Variants in MBTPS1 observed in about 807,000 individuals in gnomAD.
The protein encoded by MBTPS1 is membrane-bound transcription factor site-1 protease.
MBTPS1 carries 94 observed loss-of-function variants against 127.8 expected under a neutral mutation model. The ratio of observed to expected loss-of-function variants is 0.74; its 90% CI spans 0.62 to 0.87. The LOEUF (loss-of-function observed/expected upper bound fraction) is 0.87. Ranked by LOEUF, MBTPS1 falls within the 40% of genes least tolerant of loss-of-function variation. The pLI, the probability that MBTPS1 is intolerant of heterozygous loss-of-function variation, is 0.00. For missense variants in MBTPS1, 1,636 were observed against 1,353.2 expected, an observed-to-expected ratio of 1.21 and a Z score of -3.28; for synonymous variants, 632 against 509.4, an observed-to-expected ratio of 1.24 and a Z score of -3.24.
chr16:84,095,704 G>A lies in MBTPS1; in HGVS notation c.523C>T (p.His175Tyr), dbSNP rs2086169574. Residue 175 changes from histidine (H) to tyrosine (Y), a missense_variant, in exon 4 of 23, where the codon CAT (histidine) becomes TAT (tyrosine). Coordinates refer to ENST00000343411, the MANE Select transcript of MBTPS1 (RefSeq NM_003791.4). ...CTGCTCGAATGCCTTCCCGTAGCAT[G>A]CCAGAAGCCAGAGCCCAGGGAGAGG... ...ASLSLGSGFW[H>Y]ATGRHSSRRL... is the part of the protein sequence containing the mutation. The A allele has an allele frequency of 8.7e-6, 14 of 1,614,234 alleles. No individual in the cohort carries two copies. Among genetic ancestry groups the A allele is most frequent in the Non-Finnish European group, 1.2e-5 (14 of 1,180,046 alleles).
At chr16:84,109,984 C>T (rs2086377089) in intron 1 of MBTPS1, among the ~76,000 whole-genome samples, 1 of 152,196 alleles carries the variant, frequency 6.6e-6, no homozygotes. Flanking sequence ...AAAATGGTTT[C>T]ATACTGTTCG....
At chr16:84,112,968 C>T (rs1014635744) in intron 1 of MBTPS1, among the ~76,000 whole-genome samples, 4 of 136,824 alleles carry the variant, frequency 2.9e-5, no homozygotes, top group Admixed American at 1.6e-4. Context: ...GAGCGAGATG[C>T]CATCTCAAAA....
intron 12 of MBTPS1, among the ~76,000 whole-genome samples, chr16:84,072,759 A>C (rs1040426666): frequency 3.9e-5 from 6 of 152,158 alleles, no homozygotes; most frequent in Non-Finnish European, 8.8e-5. Context: ...CACTGCACTC[A>C]AGCCTGGGAG....
At chr16:84,107,508 G>A (rs759363068) in intron 1 of MBTPS1, among the ~76,000 whole-genome samples, 1 of 152,132 alleles carries the variant, frequency 6.6e-6, no homozygotes. Flanking sequence ...TATTTCAAAG[G>A]ATTTATGGCT....
Position 84,101,810 on chromosome 16 carries a change from T to C in MBTPS1, c.-27A>G. On this transcript the variant is annotated 5_prime_UTR_variant, in exon 2 of 23. Coordinates refer to ENST00000343411, the MANE Select transcript of MBTPS1 (RefSeq NM_003791.4). ...GTCACAAGCGAATATGATCATAAAA[T>C]TGCATATATTCAAATCACACTTTTT... 1 of 1,590,588 alleles carries C rather than the reference T, an allele frequency of 6.3e-7. No homozygotes were observed. The highest frequency in any genetic ancestry group is 1.4e-5 in the African/African-American group (1 of 74,066).
At chr16:84,078,916 G>A (rs1299796467) in intron 11 of MBTPS1, among the ~76,000 whole-genome samples, 2 of 152,216 alleles carry the variant, frequency 1.3e-5, no homozygotes, top group African/African-American at 4.8e-5. Context: ...GAAAGAATGG[G>A]CGAGTGGGAA....
At chr16:84,086,002 C>G (rs982205477) in intron 9 of MBTPS1, 3 of 152,238 alleles carry the variant, frequency 2.0e-5, no homozygotes, top group African/African-American at 7.2e-5. Context: ...TTAATAAGTA[C>G]TTGCTTAAGC....
intron 3 of MBTPS1, 86 bp from the exon 4 acceptor site, chr16:84,095,891 G>A: frequency 2.8e-6 from 3 of 1,082,306 alleles, no homozygotes; most frequent in Non-Finnish European, 2.8e-6. Context: ...TAAACACAGG[G>A]AGGATTACCA....
intron 3 of MBTPS1, among the ~76,000 whole-genome samples, chr16:84,098,399 T>A (rs1308057499): frequency 6.6e-6 from 1 of 152,090 alleles, no homozygotes; most frequent in African/African-American, 2.4e-5. Flanking sequence ...TCACCTGAGG[T>A]CAGGAGTTCA....
intron 3 of MBTPS1, 133 bp downstream of exon 3, chr16:84,098,920 A>G (rs2086215831): frequency 2.2e-6 from 2 of 928,772 alleles, no homozygotes; most frequent in Admixed American, 5.4e-5. Context: ...AATTCCTACC[A>G]GGAAAATGTT....
chr16:84,081,351 A>T (rs1053824305), intron 11 of MBTPS1, among the ~76,000 whole-genome samples: 8 of 152,360 alleles, frequency 5.3e-5, no homozygotes, highest in Admixed American at 5.2e-4. Flanking sequence ...CAGTGTTTGT[A>T]TGACAGTTTT....
At chr16:84,080,901 C>G (rs193160663) in intron 11 of MBTPS1, among the ~76,000 whole-genome samples, 3 of 152,196 alleles carry the variant, frequency 2.0e-5, no homozygotes, top group Non-Finnish European at 4.4e-5. Context: ...AGGACCCAGA[C>G]TGACAGACCA....
chr16:84,115,473 T>A (rs550421914), intron 1 of MBTPS1, among the ~76,000 whole-genome samples: 2 of 152,328 alleles, frequency 1.3e-5, no homozygotes, highest in African/African-American at 4.8e-5. Context: ...AAATAAACTT[T>A]TATTTGTCAA....
rs151071336 is a variant in MBTPS1 at position 84,070,739 on chromosome 16, T to G, written c.1631A>C (p.Asn544Thr). 6.2e-7 allele frequency: 1 copy of G among 1,614,024 alleles called. No individual in the cohort carries two copies. The highest frequency in any genetic ancestry group is 1.7e-5 in the Admixed American group (1 of 59,992). Residue 544 changes from asparagine (N) to threonine (T), a missense_variant, in exon 13 of 23, where the codon AAC becomes ACC. Asn to Thr is a moderately conservative substitution (Grantham distance 65). Coordinates refer to ENST00000343411, the MANE Select transcript of MBTPS1 (RefSeq NM_003791.4). ...WQPYLPQNGDNIEVAFSYSSV... is the reference protein window; with the variant it reads ...WQPYLPQNGDTIEVAFSYSSV... ...GGAGTAGGAGAAGGCAACTTCAATGTTGTCTCCGTTCTGTGGCAAATAGGG... is the reference window on the plus strand; with the variant it reads ...GGAGTAGGAGAAGGCAACTTCAATGGTGTCTCCGTTCTGTGGCAAATAGGG...
At chr16:84,065,646 C>T (rs577572669) in intron 18 of MBTPS1, 44 bp downstream of exon 18, 10 of 1,258,908 alleles carry the variant, frequency 7.9e-6, no homozygotes, top group African/African-American at 2.9e-5. Context: ...GAAAAGGGAG[C>T]GAGAGAAAGA....
chr16:84,079,011 C>G (rs1395592343), intron 11 of MBTPS1, among the ~76,000 whole-genome samples: 1 of 152,226 alleles, frequency 6.6e-6, no homozygotes, highest in African/African-American at 2.4e-5. Context: ...GTGGGAGGGA[C>G]TGGGTCCTGG....
chr16:84,071,931 C>G (rs1452620024), intron 12 of MBTPS1: 1 of 152,200 alleles, frequency 6.6e-6, no homozygotes, highest in East Asian at 1.9e-4. Flanking sequence ...ACGTGTAACT[C>G]ATACAAGAGG....
intron 7 of MBTPS1, 91 bp from the exon 8 acceptor site, chr16:84,091,033 A>G (rs16962781): frequency 0.035 from 33,956 of 965,600 alleles, 859 homozygotes; most frequent in African/African-American, 0.066. Context: ...CAACGTCTAA[A>G]AACAGTTCTA....
At position 84,066,714 on chromosome 16, in the gene MBTPS1, C is replaced by G. The variant is rs2085689312; in HGVS notation, c.2229-101G>C. 3.4e-6 allele frequency: 4 copies of G among 1,191,656 alleles called. No individual in the cohort carries two copies. The African/African-American group carries it at 6.1e-5, about 18-fold the overall frequency. The allele number at this position is 1,191,656 out of a possible 1,614,324, so 73.8% of individuals were successfully genotyped here. On this transcript the variant is annotated intron_variant, in intron 16 of 22. Transcript: ENST00000343411. ...AAAACTCAATTTCTCCTGCCACAAT[C>G]CAGTCCTTCCACACTAAGGCTTCAA...
Sources: gnomAD v4.1 joint callset for allele counts (sites outside exome capture counted in the v4.1 genomes callset) on GRCh38, gnomAD v4.1.1 for gene constraint, MANE v1.5 for transcripts, NCBI Gene and HGNC (gene_info 2026-07-23, HGNC 2026-07-21) for gene names.